NBAS: variants seen among roughly 807,000 people sequenced by gnomAD.
NBAS encodes NAG/BC035112 fusion.
NBAS carries 219 observed loss-of-function variants against 302.5 expected under a neutral mutation model. The ratio of observed to expected loss-of-function variants is 0.72; its 90% CI spans 0.65 to 0.81. NBAS has a LOEUF of 0.81. Among genes scored for constraint, NBAS ranks in the 30% least tolerant of loss-of-function variants. The probability of loss-of-function intolerance (pLI) is 0.00; values close to 1 mark genes in which losing one functional copy is unlikely to be tolerated. For missense variants in NBAS, 2,932 were observed against 2,841.6 expected, an observed-to-expected ratio of 1.03 and a Z score of -0.72; for synonymous variants, 1,118 against 1,021.6, an observed-to-expected ratio of 1.09 and a Z score of -1.80.
Position 15,553,586 on chromosome 2 carries a change from T to C in NBAS, c.288-113A>G, listed in dbSNP as rs1049223614. The C allele has an allele frequency of 1.0e-5, 10 of 985,388 alleles. No homozygotes were observed. In the African/African-American group the frequency reaches 1.3e-4, roughly 13 times the overall value. 61.0% of individuals were successfully genotyped at this position (985,388 alleles called of 1,614,324 possible). A position where few individuals can be genotyped will look rare whatever the true frequency, so the allele number is the denominator to read the frequency against. On this transcript the variant is annotated intron_variant, in intron 4 of 51. Transcript: ENST00000281513. ...AAAATCATTTTTAAATTTGTTCACA[T>C]GCTTTAATTATCCATCTTTTGACCT...
At chr2:15,113,320 C>CGTATGTGT in the NBAS span, among the ~76,000 whole-genome samples, 27 of 129,942 alleles carry the variant, frequency 2.1e-4, no homozygotes, top group Admixed American at 1.9e-3. Flanking sequence ...GGTATGAACT[C>CGTATGTGT]GTGTGTGTGT....
intron 47 of NBAS, among the ~76,000 whole-genome samples, chr2:15,226,232 C>T (rs933067609): frequency 2.0e-5 from 3 of 152,164 alleles, no homozygotes; most frequent in Non-Finnish European, 2.9e-5. Context: ...AAGGGAGTTA[C>T]TGAATAGCAC....
the NBAS span, among the ~76,000 whole-genome samples, chr2:15,134,589 A>G: frequency 2.0e-5 from 3 of 152,184 alleles, no homozygotes; most frequent in African/African-American, 7.2e-5. Context: ...GATCTTCACT[A>G]TTGATGAAAG....
In NBAS at chr2:15,461,215, C is replaced by A; in HGVS notation, c.2325G>T (p.Leu775Phe). The A allele has an allele frequency of 6.2e-7, 1 of 1,613,628 alleles. No individual in the cohort carries two copies. The stretch of plus-strand genomic sequence containing the variant: ...TAGTCACATACCAAGCTTCGGGCAG[C>A]AAAACAGAATATTCATGTGGAGAAG... ...ETTSPHEYSV[L>F]LPEACFNGDS... Residue 775 changes from leucine to phenylalanine, a missense_variant, in exon 21 of 52, where the codon TTG becomes TTT. Physicochemically the swap from Leu to Phe is conservative, Grantham distance 22. Coordinates refer to ENST00000281513, the MANE Select transcript of NBAS (RefSeq NM_015909.4).
At chr2:15,448,615 C>T (rs1678862930) in intron 21 of NBAS, among the ~76,000 whole-genome samples, 1 of 152,108 alleles carries the variant, frequency 6.6e-6, no homozygotes, top group Non-Finnish European at 1.5e-5. Context: ...TCATATATGT[C>T]ATGGATTTTT....
chr2:15,474,047 G>C lies in NBAS; in HGVS notation c.1599+20C>G. On this transcript the variant is annotated intron_variant, in intron 15 of 51. Transcript: ENST00000281513. The stretch of plus-strand genomic sequence containing the variant: ...AGCTTGATGACTTCAAACTTGGGTA[G>C]TAATATGCTACTCTCTCACCTTCCT... 1 of 1,614,038 alleles carries C rather than the reference G, an allele frequency of 6.2e-7. No individual in the cohort carries two copies. The highest frequency in any genetic ancestry group is 1.6e-4 in the Middle Eastern group (1 of 6,062).
the NBAS span, among the ~76,000 whole-genome samples, chr2:15,067,186 A>T: frequency 8.0e-6 from 1 of 124,296 alleles, no homozygotes; most frequent in African/African-American, 2.9e-5. Flanking sequence ...AAAAAAAAAA[A>T]ATCAAAAAAT....
intron 28 of NBAS, among the ~76,000 whole-genome samples, chr2:15,386,133 G>C (rs376683292): frequency 6.6e-6 from 1 of 152,194 alleles, no homozygotes; most frequent in African/African-American, 2.4e-5. Context: ...GAGAAATTAT[G>C]ATCTAGAAGG....
At chr2:15,330,897 C>A in intron 35 of NBAS, 132 bp from the exon 36 acceptor site, 2 of 970,154 alleles carry the variant, frequency 2.1e-6, no homozygotes, top group Non-Finnish European at 3.0e-6. Flanking sequence ...ATCCATCCAA[C>A]TTTGCTTGTA....
chr2:15,215,500 G>C lies in NBAS; in HGVS notation c.6432+3273C>G, dbSNP rs567179032. On this transcript the variant is annotated intron_variant, in intron 48 of 51. Coordinates refer to ENST00000281513, the MANE Select transcript of NBAS (RefSeq NM_015909.4). ...TGAAAGTAGCAGTCACACATTTTTT[G>C]GTAACTGAACATTGCAATATCATTA... Among the ~76,000 whole-genome samples, 75 of 152,160 alleles carry C rather than the reference G, an allele frequency of 4.9e-4. No individual in the cohort carries two copies. The Middle Eastern group carries it at 0.01, about 21-fold the overall frequency.
At chr2:15,445,630 A>C (rs1229548024) in intron 21 of NBAS, among the ~76,000 whole-genome samples, 1 of 152,134 alleles carries the variant, frequency 6.6e-6, no homozygotes, top group Non-Finnish European at 1.5e-5. Flanking sequence ...CATTGTGTCC[A>C]TGTACCCTAA....
At chr2:15,271,826 C>T (rs1669338451) in intron 44 of NBAS, among the ~76,000 whole-genome samples, 1 of 152,134 alleles carries the variant, frequency 6.6e-6, no homozygotes, top group Non-Finnish European at 1.5e-5. Context: ...CTAACCCATT[C>T]ACTTGTTCTC....
At chr2:14,948,734 A>AC in the NBAS span, among the ~76,000 whole-genome samples, 6 of 151,830 alleles carry the variant, frequency 4.0e-5, no homozygotes, top group African/African-American at 1.2e-4. Flanking sequence ...AGAAATAGAA[A>AC]AAAAAATCTT....
intron 44 of NBAS, among the ~76,000 whole-genome samples, chr2:15,249,404 T>A (rs1668258024): frequency 1.3e-5 from 2 of 152,128 alleles, no homozygotes; most frequent in Non-Finnish European, 1.5e-5. Context: ...AAAACCAGCA[T>A]AAGACAAGGA....
intron 27 of NBAS, among the ~76,000 whole-genome samples, chr2:15,396,046 CAGGAACTA>C (rs1268419151): frequency 6.6e-6 from 1 of 152,052 alleles, no homozygotes; most frequent in Non-Finnish European, 1.5e-5. Context: ...ATAATTGCTG[CAGGAACTA>C]ACATTTCTTA....
chr2:15,035,851 C>T, the NBAS span, among the ~76,000 whole-genome samples: 5 of 151,980 alleles, frequency 3.3e-5, no homozygotes, highest in East Asian at 5.8e-4. Flanking sequence ...GGTGGGAGAA[C>T]GAGGCCTGTA....
chr2:15,184,580 T>C (rs1664987757), intron 50 of NBAS, among the ~76,000 whole-genome samples: 1 of 152,146 alleles, frequency 6.6e-6, no homozygotes, highest in Non-Finnish European at 1.5e-5. Context: ...CCACCACTGA[T>C]ACGACAGGAG....
chr2:14,887,482 G>A, the NBAS span, among the ~76,000 whole-genome samples: 18 of 151,336 alleles, frequency 1.2e-4, no homozygotes, highest in African/African-American at 4.1e-4. Flanking sequence ...TGAGAAATAC[G>A]AGGCAGGGAG....
the NBAS span, among the ~76,000 whole-genome samples, chr2:15,046,184 G>A: frequency 6.6e-6 from 1 of 152,098 alleles, no homozygotes; most frequent in African/African-American, 2.4e-5. Flanking sequence ...CTTTTTCATT[G>A]CAAAGGTGGC....
Sources: allele counts gnomAD v4.1 joint callset (sites outside exome capture counted in the v4.1 genomes callset), GRCh38; gene constraint gnomAD v4.1.1; transcripts MANE v1.5; gene names NCBI Gene and HGNC (gene_info 2026-07-23, HGNC 2026-07-21).